The following MESP1 variants were observed in gnomAD, a reference collection of about 807,000 sequenced individuals.
MESP1 encodes the protein mesoderm posterior bHLH transcription factor 1.
In MESP1, 22 loss-of-function variants were observed where a neutral mutation model predicts 15.2. The ratio of observed to expected loss-of-function variants is 1.45; its 90% CI spans 1.04 to 2.07. The LOEUF is 2.07. Among genes scored for constraint, MESP1 ranks in the 30% most tolerant of loss-of-function variants. MESP1 has a pLI of 0.00. For synonymous variants in MESP1, 216 were observed against 192.6 expected, an observed-to-expected ratio of 1.12 and a Z score of -1.01; for missense variants, 484 against 411.9, an observed-to-expected ratio of 1.17 and a Z score of -1.51.
chr15:89,750,755 G>A lies in MESP1; in HGVS notation c.477C>T (p.Ser159=). The change falls in exon 1 of 2, where the codon TCC becomes TCT. Residue 159 remains serine, a synonymous_variant. Transcript: ENST00000300057. Reference sequence around the variant, plus strand: ...CGGGGCACAGCGGGCAGCCCCGAGGGGACCCCGCGTCACCGCGCTGCCGGC... The same window carrying A: ...CGGGGCACAGCGGGCAGCCCCGAGGAGACCCCGCGTCACCGCGCTGCCGGC... ...RRCRQRGDAG[S]PRGCPLCPDD... is the part of the protein sequence containing the mutation. 2 of 1,481,196 alleles carry A rather than the reference G, an allele frequency of 1.4e-6. No individual in the cohort carries two copies. Among genetic ancestry groups the A allele is most frequent in the Non-Finnish European group, 1.8e-6 (2 of 1,120,596 alleles). The allele number at this position is 1,481,196 out of a possible 1,614,324, so 91.8% of individuals were successfully genotyped here.
chr15:89,744,558 C>A, the MESP1 span, among the ~76,000 whole-genome samples: 2 of 152,192 alleles, frequency 1.3e-5, no homozygotes, highest in African/African-American at 4.8e-5. Context: ...TTTAAGCAAC[C>A]TTGTGAAACA....
At chr15:89,743,334 C>T in the MESP1 span, 1 of 1,614,194 alleles carries the variant, frequency 6.2e-7, no homozygotes, top group Non-Finnish European at 8.5e-7. Context: ...AGGAGGAGCA[C>T]TGGGCCCGGC....
chr15:89,737,552 C>T, the MESP1 span: 1 of 1,614,076 alleles, frequency 6.2e-7, no homozygotes, highest in Admixed American at 1.7e-5. Flanking sequence ...AAGCCCCCCT[C>T]ACCATCTCTT....
chr15:89,737,505 T>G, the MESP1 span: 3 of 1,595,354 alleles, frequency 1.9e-6, no homozygotes, highest in Non-Finnish European at 2.6e-6. Flanking sequence ...TGGGGTGACC[T>G]CTACACGACC....
At chr15:89,736,704 G>C in the MESP1 span, among the ~76,000 whole-genome samples, 3 of 152,094 alleles carry the variant, frequency 2.0e-5, no homozygotes, top group African/African-American at 4.8e-5. Context: ...CGCAGGAGGT[G>C]GGGGAGTGGA....
At chr15:89,748,016 C>G (rs987406053), downstream of MESP1, among the ~76,000 whole-genome samples, 1 of 152,166 alleles carries the variant, frequency 6.6e-6, no homozygotes, top group Non-Finnish European at 1.5e-5. Context: ...TTAGCAGAAC[C>G]TTGTTAATGA....
At chr15:89,734,392 T>G in the MESP1 span, among the ~76,000 whole-genome samples, 2 of 152,278 alleles carry the variant, frequency 1.3e-5, no homozygotes, top group East Asian at 3.9e-4. Context: ...CCAGTGCACC[T>G]CGGTTTTCCT....
At chr15:89,735,119 G>T in the MESP1 span, among the ~76,000 whole-genome samples, 2 of 151,940 alleles carry the variant, frequency 1.3e-5, no homozygotes, top group Non-Finnish European at 2.9e-5. Flanking sequence ...TGGGCTCAAA[G>T]TGCTGGGCCC....
the MESP1 span, chr15:89,737,511 C>A: frequency 1.9e-6 from 3 of 1,602,298 alleles, no homozygotes; most frequent in Admixed American, 3.4e-5. Flanking sequence ...GACCTCTACA[C>A]GACCTTCCTG....
the MESP1 span, among the ~76,000 whole-genome samples, chr15:89,737,041 T>G: frequency 6.6e-6 from 1 of 152,190 alleles, no homozygotes; most frequent in Non-Finnish European, 1.5e-5. Flanking sequence ...TCCGCCCACC[T>G]TGGCCTCCCA....
At position 89,751,125 on chromosome 15, in the gene MESP1, AG is replaced by A; in HGVS notation, c.106del (p.Leu36SerfsTer34). On this transcript the variant is annotated frameshift_variant, in exon 1 of 2. Transcript: ENST00000300057. LOFTEE classifies it high-confidence loss of function. ...PPSDKDCGRS[L>X]VSSPDSWGST... Reference sequence around the variant, plus strand: ...GCCCCATGAGTCTGGGGACGAGACGAGGGAGCGGCCGCAGTCCTTGTCGGAG... The same window carrying A: ...GCCCCATGAGTCTGGGGACGAGACGAGGAGCGGCCGCAGTCCTTGTCGGAG... 1 of 1,281,520 alleles carries A rather than the reference AG, an allele frequency of 7.8e-7. No individual in the cohort carries two copies. The allele number at this position is 1,281,520 out of a possible 1,614,324, so 79.4% of individuals were successfully genotyped here.
chr15:89,750,917 C>T lies in MESP1; in HGVS notation c.315G>A (p.Leu105=), dbSNP rs371788632. ...MRTLARALHE[L]RRFLPPSVAP... ...CCACGGACGGCGGTAGAAAGCGGCG[C>T]AGCTCGTGCAGGGCGCGGGCCAGCG... Residue 105 remains leucine, a synonymous_variant, in exon 1 of 2, where the codon CTG becomes CTA. Coordinates refer to ENST00000300057, the MANE Select transcript of MESP1 (RefSeq NM_018670.4). The T allele has an allele frequency of 1.3e-6, 2 of 1,481,716 alleles. No homozygotes were observed. Among genetic ancestry groups the T allele is most frequent in the Non-Finnish European group, 8.9e-7 (1 of 1,120,688 alleles). The allele number at this position is 1,481,716 out of a possible 1,614,324, so 91.8% of individuals were successfully genotyped here.
chr15:89,739,118 A>G, the MESP1 span, among the ~76,000 whole-genome samples: 1 of 139,070 alleles, frequency 7.2e-6, no homozygotes, highest in Non-Finnish European at 1.5e-5. Context: ...CCTGCCTCAA[A>G]AAAAAAAAAA....
At chr15:89,741,163 T>C in the MESP1 span, among the ~76,000 whole-genome samples, 1 of 152,162 alleles carries the variant, frequency 6.6e-6, no homozygotes, top group African/African-American at 2.4e-5. Flanking sequence ...AAATAAGTGT[T>C]AAATATTCTT....
chr15:89,750,112 G>C lies in MESP1; in HGVS notation c.*32C>G, dbSNP rs1195485996. ...AAGGTGCTGAGGCCAAAAAGCCTCG[G>C]TGCTCACAGAGACGGCGTCAGTTGT... On this transcript the variant is annotated 3_prime_UTR_variant, in exon 2 of 2. Transcript: ENST00000300057. 9.3e-6 allele frequency: 15 copies of C among 1,608,712 alleles called. No homozygotes were observed. Among genetic ancestry groups the C allele is most frequent in the Non-Finnish European group, 1.3e-5 (15 of 1,175,366 alleles).
At chr15:89,743,423 A>G in the MESP1 span, 1 of 1,608,772 alleles carries the variant, frequency 6.2e-7, no homozygotes, top group Non-Finnish European at 8.5e-7. Flanking sequence ...TCTGAAAAGG[A>G]GGTTTCAGCC....
At chr15:89,737,695 T>C in the MESP1 span, 4 of 1,614,196 alleles carry the variant, frequency 2.5e-6, no homozygotes, top group Non-Finnish European at 3.4e-6. Context: ...CAGTGTTTGC[T>C]GTGTCTCCAG....
chr15:89,737,639 G>A, the MESP1 span: 1 of 1,614,150 alleles, frequency 6.2e-7, no homozygotes. Flanking sequence ...AATCATCTGT[G>A]CCTTTGCCCC....
the MESP1 span, among the ~76,000 whole-genome samples, chr15:89,740,161 A>G: frequency 6.6e-6 from 1 of 152,210 alleles, no homozygotes; most frequent in African/African-American, 2.4e-5. Flanking sequence ...TGCTCAGTAA[A>G]TGGTAGTTAT....
Sources: allele counts gnomAD v4.1 joint callset (sites outside exome capture counted in the v4.1 genomes callset), GRCh38; gene constraint gnomAD v4.1.1; transcripts MANE v1.5; gene names NCBI Gene and HGNC (gene_info 2026-07-23, HGNC 2026-07-21).